DSCAML1: variants seen among roughly 807,000 people sequenced by gnomAD.
DSCAML1 encodes the protein DS cell adhesion molecule like 1.
In DSCAML1, 38 loss-of-function variants were observed where a neutral mutation model predicts 200.5. That is an observed-to-expected ratio of 0.19 (90% CI 0.15 to 0.25). The LOEUF is 0.25. Among genes scored for constraint, DSCAML1 ranks in the 10% least tolerant of loss-of-function variants. The pLI is 1.00. For synonymous variants in DSCAML1, 1,215 were observed against 1,165.0 expected, an observed-to-expected ratio of 1.04 and a Z score of -0.87; for missense variants, 2,223 against 2,858.8, an observed-to-expected ratio of 0.78 and a Z score of 5.07.
chr11:117,545,801 T>C (rs1432408421), intron 3 of DSCAML1, among the ~76,000 whole-genome samples: 1 of 152,158 alleles, frequency 6.6e-6, no homozygotes, highest in Non-Finnish European at 1.5e-5. Context: ...CTGGGCCTCA[T>C]CTGCACCCTC....
chr11:117,802,814 A>G (rs758973905), intron 1 of DSCAML1, among the ~76,000 whole-genome samples: 1 of 152,158 alleles, frequency 6.6e-6, no homozygotes, highest in Non-Finnish European at 1.5e-5. Context: ...AAGGATCTGG[A>G]TACATATGCC....
Position 117,642,181 on chromosome 11 carries a change from C to T in DSCAML1, c.512-109659G>A, listed in dbSNP as rs563613324. Reference sequence around the variant, plus strand: ...TGGATCATAAAGCCTAAAGAGCAGACGGCATGACTTAGGCTCCTGCGGTAT... The same window carrying T: ...TGGATCATAAAGCCTAAAGAGCAGATGGCATGACTTAGGCTCCTGCGGTAT... On this transcript the variant is annotated intron_variant, in intron 3 of 32. Coordinates refer to ENST00000651296, the MANE Select transcript of DSCAML1 (RefSeq NM_020693.4). This position sits in a 1 kb window ranked among gnomAD's most constrained non-coding sequence, Gnocchi z 4.1. Among the ~76,000 whole-genome samples, 15 of 152,318 alleles carry T rather than the reference C, an allele frequency of 9.8e-5. No individual in the cohort carries two copies. The highest frequency in any genetic ancestry group is 5.9e-5 in the Non-Finnish European group (4 of 68,022).
At position 117,469,771 on chromosome 11, in the gene DSCAML1, C is replaced by G. The variant is rs1402468711; in HGVS notation, c.3024+139G>C. 10 of 687,018 alleles carry G rather than the reference C, an allele frequency of 1.5e-5. No homozygotes were observed. The highest frequency in any genetic ancestry group is 2.2e-5 in the Non-Finnish European group (10 of 456,718). The allele number at this position is 687,018 out of a possible 1,614,324, so 42.6% of individuals were successfully genotyped here. On this transcript the variant is annotated intron_variant, in intron 16 of 32. Transcript: ENST00000651296. The surrounding 1 kb of genome is among the most constrained non-coding windows in gnomAD (Gnocchi z 4.1). ...CTCCCTCTCCTTCCATCTCTCAAAT[C>G]TCACTAGGTTTAGTGACAAAACAGA... is the stretch of plus-strand genomic sequence containing the variant.
intron 3 of DSCAML1, among the ~76,000 whole-genome samples, chr11:117,653,499 C>T (rs1418779851): frequency 1.3e-5 from 2 of 152,150 alleles, no homozygotes; most frequent in African/African-American, 4.8e-5. Context: ...CTTCATCCTC[C>T]CCTGCTTGTA....
At chr11:117,507,278 C>T (rs916834561) in intron 8 of DSCAML1, among the ~76,000 whole-genome samples, 1 of 152,210 alleles carries the variant, frequency 6.6e-6, no homozygotes, top group South Asian at 2.1e-4. Flanking sequence ...AGCCTTCTCC[C>T]AGGCACCAGC....
intron 3 of DSCAML1, among the ~76,000 whole-genome samples, chr11:117,768,008 C>T (rs979127317): frequency 3.3e-5 from 5 of 152,158 alleles, no homozygotes; most frequent in Admixed American, 6.5e-5. Flanking sequence ...GCCACACTGC[C>T]TCTGTGTCCT....
intron 3 of DSCAML1, among the ~76,000 whole-genome samples, chr11:117,602,604 G>T (rs578083073): frequency 3.3e-5 from 5 of 152,110 alleles, no homozygotes; most frequent in Non-Finnish European, 5.9e-5. Context: ...CAAGTGATCT[G>T]CCTGCCTCAG....
At chr11:117,816,851 G>C (rs2134093642) in intron 1 of DSCAML1, among the ~76,000 whole-genome samples, 1 of 151,426 alleles carries the variant, frequency 6.6e-6, no homozygotes, top group East Asian at 1.9e-4. Context: ...TAGAAAAACT[G>C]GAGGCCCATG....
chr11:117,769,530 T>A (rs1342293454), intron 3 of DSCAML1, among the ~76,000 whole-genome samples: 7 of 36,562 alleles, frequency 1.9e-4, no homozygotes, highest in East Asian at 1.4e-3. Context: ...TATATATATT[T>A]TATATATATT....
intron 3 of DSCAML1, among the ~76,000 whole-genome samples, chr11:117,737,432 C>G: frequency 6.6e-6 from 1 of 152,122 alleles, no homozygotes; most frequent in South Asian, 2.1e-4. Flanking sequence ...CCGCCTGCTC[C>G]CAGGGAGCAC....
At position 117,614,314 on chromosome 11, in the gene DSCAML1, C is replaced by T. The variant is rs571296504; in HGVS notation, c.512-81792G>A. Among the ~76,000 whole-genome samples, 3 of 152,242 alleles carry T rather than the reference C, an allele frequency of 2.0e-5. No homozygotes were observed. In the South Asian group the frequency reaches 6.2e-4, roughly 32 times the overall value. On this transcript the variant is annotated intron_variant, in intron 3 of 32. Coordinates refer to ENST00000651296, the MANE Select transcript of DSCAML1 (RefSeq NM_020693.4). ...AATGAAATGACAATCGTGCAACAGC[C>T]CTATGTAGGTAGAGTGCTATATACA...
intron 3 of DSCAML1, among the ~76,000 whole-genome samples, chr11:117,548,101 CT>C (rs2050408506): frequency 6.6e-6 from 1 of 152,234 alleles, no homozygotes; most frequent in Admixed American, 6.5e-5. Context: ...AGAGTAAGCC[CT>C]TGAGGGCAGG....
At chr11:117,763,901 G>T (rs563802225) in intron 3 of DSCAML1, among the ~76,000 whole-genome samples, 1 of 152,248 alleles carries the variant, frequency 6.6e-6, no homozygotes, top group East Asian at 1.9e-4. Context: ...CCTTCTCCAG[G>T]ACCCAGGGGG....
chr11:117,649,751 T>G (rs1371006997), intron 3 of DSCAML1, among the ~76,000 whole-genome samples: 1 of 152,248 alleles, frequency 6.6e-6, no homozygotes, highest in African/African-American at 2.4e-5. Context: ...TCCTTGGTCC[T>G]AAACCTGTTC....
chr11:117,536,450 C>G (rs998605039), intron 3 of DSCAML1, among the ~76,000 whole-genome samples: 1 of 152,136 alleles, frequency 6.6e-6, no homozygotes, highest in African/African-American at 2.4e-5. Flanking sequence ...CTGGGTCCCA[C>G]GGGAGAAGGA....
chr11:117,503,814 G>C lies in DSCAML1; in HGVS notation c.2359+31C>G. The stretch of plus-strand genomic sequence containing the variant: ...GCCGGGGCTTGGCTGTGATTTGGGG[G>C]TGCTAGGGGGCGTGTGGGGACAGGA... On this transcript the variant is annotated intron_variant, in intron 11 of 32. Transcript: ENST00000651296. This position sits in a 1 kb window ranked among gnomAD's most constrained non-coding sequence, Gnocchi z 5.2. 1 of 1,603,206 alleles carries C rather than the reference G, an allele frequency of 6.2e-7. No individual in the cohort carries two copies. Among genetic ancestry groups the C allele is most frequent in the Non-Finnish European group, 8.5e-7 (1 of 1,174,186 alleles).
Position 117,665,463 on chromosome 11 carries a change from A to C in DSCAML1, c.511+111328T>G, listed in dbSNP as rs148823766. 9.7e-4 allele frequency among the ~76,000 whole-genome samples: 148 copies of C among 152,324 alleles called. 1 individual carries two copies. Among genetic ancestry groups the C allele is most frequent in the African/African-American group, 3.5e-3 (145 of 41,582 alleles). ...GCCGAGTGCGTACTCAGGAACACTCAGGCAGGAGTGGCTCCGGGTTTTTGG... is the reference window on the plus strand; with the variant it reads ...GCCGAGTGCGTACTCAGGAACACTCCGGCAGGAGTGGCTCCGGGTTTTTGG... On this transcript the variant is annotated intron_variant, in intron 3 of 32. Coordinates refer to ENST00000651296, the MANE Select transcript of DSCAML1 (RefSeq NM_020693.4).
At chr11:117,507,523 C>T (rs2049525635) in intron 8 of DSCAML1, among the ~76,000 whole-genome samples, 1 of 152,210 alleles carries the variant, frequency 6.6e-6, no homozygotes, top group Non-Finnish European at 1.5e-5. Flanking sequence ...TGATCAGGAG[C>T]TCTAGGTCCA....
At chr11:117,622,299 G>A (rs2051950035) in intron 3 of DSCAML1, among the ~76,000 whole-genome samples, 1 of 152,226 alleles carries the variant, frequency 6.6e-6, no homozygotes, top group Admixed American at 6.5e-5. Flanking sequence ...TGTGGTGTAA[G>A]ATGAAGAAGC....
Sources: allele counts gnomAD v4.1 joint callset (sites outside exome capture counted in the v4.1 genomes callset), GRCh38; gene constraint gnomAD v4.1.1; non-coding constraint Gnocchi (gnomAD v3.1); transcripts MANE v1.5; gene names NCBI Gene and HGNC (gene_info 2026-07-23, HGNC 2026-07-21).